Variants in MAGI3 observed in about 807,000 individuals in gnomAD.
MAGI3 encodes the protein membrane associated guanylate kinase, WW and PDZ domain containing 3.
MAGI3 carries 43 observed loss-of-function variants against 121.8 expected under a neutral mutation model. The observed-to-expected ratio is 0.35, with a 90% CI of 0.28 to 0.46. The LOEUF is 0.46. Among genes scored for constraint, MAGI3 ranks in the 20% least tolerant of loss-of-function variants. MAGI3 has a pLI of 1.00. For missense variants in MAGI3, 1,547 were observed against 1,797.3 expected (o/e 0.86, Z 2.52); for synonymous variants, 553 against 639.3 (o/e 0.86, Z 2.04).
In MAGI3 at chr1:113,642,408, A is replaced by G; in HGVS notation, c.1858A>G (p.Lys620Glu). 1 of 1,614,222 alleles carries G rather than the reference A, an allele frequency of 6.2e-7. No homozygotes were observed. The highest frequency in any genetic ancestry group is 8.5e-7 in the Non-Finnish European group (1 of 1,180,038). ...CQGLQKGDIIKEIYHQNVQNL... is the reference protein window; with the variant it reads ...CQGLQKGDIIEEIYHQNVQNL... ...AGGCCTTCAGAAAGGAGATATAATT[A>G]AGGAAATATACCATCAAAATGTGCA... The change falls in exon 10 of 21, where the codon AAG becomes GAG. Residue 620 changes from lysine (K) to glutamate (E), a missense_variant. Transcript: ENST00000307546.
At chr1:113,552,132 C>T (rs536197345) in intron 2 of MAGI3, among the ~76,000 whole-genome samples, 3 of 152,116 alleles carry the variant, frequency 2.0e-5, no homozygotes, top group South Asian at 4.2e-4. Context: ...ACTGTACTTT[C>T]CTCCTTTATA....
intron 1 of MAGI3, among the ~76,000 whole-genome samples, chr1:113,517,962 C>T (rs1251192674): frequency 6.6e-6 from 1 of 151,914 alleles, no homozygotes; most frequent in Non-Finnish European, 1.5e-5. Context: ...CTCCTAATAC[C>T]CTTTCTCTTA....
At position 113,580,618 on chromosome 1, in the gene MAGI3, A is replaced by C; in HGVS notation, c.510A>C (p.Ala170=). 2 of 1,610,114 alleles carry C rather than the reference A, an allele frequency of 1.2e-6. No homozygotes were observed. The highest frequency in any genetic ancestry group is 1.7e-6 in the Non-Finnish European group (2 of 1,177,822). Residue 170 remains alanine (A), a synonymous_variant, in exon 3 of 21, where the codon GCA becomes GCC. Coordinates refer to ENST00000307546, the MANE Select transcript of MAGI3 (RefSeq NM_001142782.2). The part of the protein sequence containing the change: ...YNFISVEQFK[A]LEESGALLES... ...TCATTTCCGTTGAACAGTTCAAAGC[A>C]CTGGAAGAGAGTGGAGCATTGTTAG...
intron 9 of MAGI3, among the ~76,000 whole-genome samples, chr1:113,629,909 C>T (rs72988553): frequency 6.6e-6 from 1 of 151,830 alleles, no homozygotes; most frequent in East Asian, 2.0e-4. Flanking sequence ...GAAACCAGCA[C>T]AGCACTGGAT....
chr1:113,481,756 G>A (rs1480633966), intron 1 of MAGI3, among the ~76,000 whole-genome samples: 1 of 152,104 alleles, frequency 6.6e-6, no homozygotes, highest in Non-Finnish European at 1.5e-5. Flanking sequence ...AGTTGATGCT[G>A]TAACAAATCA....
chr1:113,440,505 G>A (rs1435369651), intron 1 of MAGI3, among the ~76,000 whole-genome samples: 4 of 152,130 alleles, frequency 2.6e-5, no homozygotes, highest in African/African-American at 9.7e-5. Context: ...CTTTCCAGAT[G>A]TTTCCTTTGT....
intron 1 of MAGI3, among the ~76,000 whole-genome samples, chr1:113,508,814 G>A (rs529749001): frequency 6.6e-6 from 1 of 152,144 alleles, no homozygotes; most frequent in South Asian, 2.1e-4. Context: ...TCTCTGCTGA[G>A]AAATTGATTG....
intron 1 of MAGI3, among the ~76,000 whole-genome samples, chr1:113,457,131 C>T (rs572566539): frequency 1.7e-3 from 255 of 152,188 alleles, no homozygotes; most frequent in Non-Finnish European, 3.1e-3. Flanking sequence ...AAAGTTGGCT[C>T]GCTAGTACGC....
At chr1:113,646,718 A>G (rs987434131) in intron 12 of MAGI3, 76 bp downstream of exon 12, 1 of 1,137,764 alleles carries the variant, frequency 8.8e-7, no homozygotes. Flanking sequence ...GGACCTTCCC[A>G]TCTTTCAGAA....
rs138302405 is a variant in MAGI3 at position 113,656,759 on chromosome 1, C to T, written c.2630-2321C>T. 2.4e-3 allele frequency among the ~76,000 whole-genome samples: 358 copies of T among 152,164 alleles called. 1 individual carries two copies. Among genetic ancestry groups the T allele is most frequent in the African/African-American group, 8.0e-3 (333 of 41,520 alleles). ...CCTCATCTCAGGTATTTTCTGATGACGTATGTCTCAAGAAGAGTTCCTAGT... is the reference window on the plus strand; with the variant it reads ...CCTCATCTCAGGTATTTTCTGATGATGTATGTCTCAAGAAGAGTTCCTAGT... On this transcript the variant is annotated intron_variant, in intron 15 of 20. Transcript: ENST00000307546.
intron 1 of MAGI3, among the ~76,000 whole-genome samples, chr1:113,512,488 C>T (rs1211136372): frequency 2.0e-5 from 3 of 152,150 alleles, no homozygotes; most frequent in Admixed American, 1.3e-4. Context: ...TAGTTTGTTG[C>T]ATTTGTAAGG....
Position 113,585,387 on chromosome 1 carries a change from G to A in MAGI3, c.554G>A (p.Gly185Glu). Residue 185 changes from glycine to glutamate, a missense_variant and splice_region_variant, in exon 4 of 21, where the codon GGA becomes GAA. Coordinates refer to ENST00000307546, the MANE Select transcript of MAGI3 (RefSeq NM_001142782.2). ...TCAGCTGCTATTTTATTCACTTCAG[G>A]AAACTTCTATGGAACTCCCAAGCCT... is the stretch of plus-strand genomic sequence containing the variant. ...GALLESGTYDGNFYGTPKPPA... is the reference protein window; with the variant it reads ...GALLESGTYDENFYGTPKPPA... 1 of 1,613,696 alleles carries A rather than the reference G, an allele frequency of 6.2e-7. No individual in the cohort carries two copies. The highest frequency in any genetic ancestry group is 1.7e-5 in the Admixed American group (1 of 59,974).
chr1:113,632,922 C>T (rs1358491846), intron 9 of MAGI3, among the ~76,000 whole-genome samples: 3 of 150,776 alleles, frequency 2.0e-5, no homozygotes, highest in Non-Finnish European at 2.9e-5. Flanking sequence ...TATTATTATA[C>T]TTTAAGTTTT....
chr1:113,403,410 G>T (rs1651508304), intron 1 of MAGI3, among the ~76,000 whole-genome samples: 1 of 152,072 alleles, frequency 6.6e-6, no homozygotes, highest in African/African-American at 2.4e-5. Flanking sequence ...TCTGGTCCCT[G>T]CTGCCTTTGC....
At chr1:113,490,309 A>G (rs1379452967) in intron 1 of MAGI3, among the ~76,000 whole-genome samples, 1 of 152,188 alleles carries the variant, frequency 6.6e-6, no homozygotes, top group South Asian at 2.1e-4. Flanking sequence ...AAAGAGAAAT[A>G]AGATCCTTTT....
rs1478846394 is a variant in MAGI3, at chr1:113,555,714, C to T, written c.433+6083C>T. Among the ~76,000 whole-genome samples the T allele has an allele frequency of 3.3e-5, 5 of 151,702 alleles. No homozygotes were observed. The South Asian group carries it at 1.0e-3, about 32-fold the overall frequency. On this transcript the variant is annotated intron_variant, in intron 2 of 20. Coordinates refer to ENST00000307546, the MANE Select transcript of MAGI3 (RefSeq NM_001142782.2). ...AGGAGTTTGAGACCAGCCTGGGCAACATACCAGGACCCCGTCTCTACAAAA... is the reference window on the plus strand; with the variant it reads ...AGGAGTTTGAGACCAGCCTGGGCAATATACCAGGACCCCGTCTCTACAAAA...
intron 2 of MAGI3, among the ~76,000 whole-genome samples, chr1:113,573,801 C>A (rs1473358875): frequency 1.3e-5 from 2 of 152,148 alleles, no homozygotes; most frequent in African/African-American, 4.8e-5. Context: ...GTGTTATAGT[C>A]TCCCACTATT....
At chr1:113,679,514 CAT>C (rs1648086237) in intron 19 of MAGI3, among the ~76,000 whole-genome samples, 1 of 152,106 alleles carries the variant, frequency 6.6e-6, no homozygotes. Context: ...CATTCATCAA[CAT>C]GTGTTTGCTT....
chr1:113,527,708 T>C (rs180766646), intron 1 of MAGI3, among the ~76,000 whole-genome samples: 1 of 152,296 alleles, frequency 6.6e-6, no homozygotes, highest in African/African-American at 2.4e-5. Context: ...GCTGATTATT[T>C]TCTGTTTTGG....
Sources: allele counts gnomAD v4.1 joint callset (sites outside exome capture counted in the v4.1 genomes callset), GRCh38; gene constraint gnomAD v4.1.1; transcripts MANE v1.5; gene names NCBI Gene and HGNC (gene_info 2026-07-23, HGNC 2026-07-21).